Variants in C9orf153 observed in about 807,000 individuals in gnomAD.
The protein encoded by C9orf153 is uncharacterized protein C9orf153.
A neutral mutation model predicts 9.0 loss-of-function variants in C9orf153; 10 were observed. The ratio of observed to expected loss-of-function variants is 1.11; its 90% CI spans 0.69 to 1.89. The LOEUF (loss-of-function observed/expected upper bound fraction) is 1.89. Among genes scored for constraint, C9orf153 ranks in the 40% most tolerant of loss-of-function variants. The pLI is 0.00. For missense variants in C9orf153, 108 were observed against 111.0 expected, an observed-to-expected ratio of 0.97 and a Z score of 0.12; for synonymous variants, 35 against 37.3, an observed-to-expected ratio of 0.94 and a Z score of 0.23.
At position 86,227,877 on chromosome 9, in the gene C9orf153, C is replaced by T; in HGVS notation, c.220G>A (p.Gly74Arg). ...MSFTRGADVR[G>R]DLQPVIRKTI... ...CACCTGATAACAGGTTGGAGATCTC[C>T]TCTCACATCAGCGCCCCTGGTGAAT... The change falls in exon 3 of 4, where the codon GGA becomes AGA. Residue 74 changes from glycine to arginine, a missense_variant. Gly to Arg is a moderately radical substitution (Grantham distance 125). Coordinates refer to ENST00000339137, the MANE Select transcript of C9orf153 (RefSeq NM_001276366.4). 1 of 1,612,540 alleles carries T rather than the reference C, an allele frequency of 6.2e-7. No homozygotes were observed. The highest frequency in any genetic ancestry group is 8.5e-7 in the Non-Finnish European group (1 of 1,179,446).
chr9:86,222,034 C>T (rs1033642896), intron 3 of C9orf153, among the ~76,000 whole-genome samples: 2 of 152,040 alleles, frequency 1.3e-5, no homozygotes, highest in African/African-American at 4.8e-5. Flanking sequence ...GACAGGCACC[C>T]GCCACCACAC....
chr9:86,241,828 G>A (rs1462561873), intron 1 of C9orf153, among the ~76,000 whole-genome samples: 1 of 152,118 alleles, frequency 6.6e-6, no homozygotes, highest in East Asian at 1.9e-4. Flanking sequence ...ACTTCACCAT[G>A]TTGGTCAGGC....
chr9:86,222,232 T>G (rs1053658943), intron 3 of C9orf153, among the ~76,000 whole-genome samples: 3 of 152,246 alleles, frequency 2.0e-5, no homozygotes, highest in Admixed American at 2.0e-4. Flanking sequence ...GTCAATTTCA[T>G]GTAAAGCCTG....
rs922675812 is a variant in C9orf153, at chr9:86,248,857, T to C, written c.-27+10693A>G. Among the ~76,000 whole-genome samples, 4 of 152,240 alleles carry C rather than the reference T, an allele frequency of 2.6e-5. No homozygotes were observed. The East Asian group carries it at 7.7e-4, about 29-fold the overall frequency. On this transcript the variant is annotated intron_variant, in intron 1 of 3. Coordinates refer to ENST00000339137, the MANE Select transcript of C9orf153 (RefSeq NM_001276366.4). ...AGCCCACCTTCCCCATCACCCCAGT[T>C]CCAGTGGCTCCTCGTGTTGCCTGTA...
chr9:86,244,284 A>G (rs6559919), intron 1 of C9orf153, among the ~76,000 whole-genome samples: 112,151 of 152,126 alleles, frequency 0.74, 42,709 homozygotes, highest in East Asian at 0.98. Flanking sequence ...TATGTTGCCC[A>G]GCTGGTCTCC....
intron 1 of C9orf153, among the ~76,000 whole-genome samples, chr9:86,255,038 C>T (rs997916791): frequency 8.5e-4 from 90 of 106,462 alleles, no homozygotes; most frequent in African/African-American, 4.1e-3. Flanking sequence ...GCACTCCAGC[C>T]TGAAAGACAG....
intron 1 of C9orf153, among the ~76,000 whole-genome samples, chr9:86,242,084 A>G (rs1024140294): frequency 2.0e-5 from 3 of 152,144 alleles, no homozygotes; most frequent in African/African-American, 7.2e-5. Flanking sequence ...TGCAACTTTA[A>G]ATAGGGTGGT....
intron 1 of C9orf153, among the ~76,000 whole-genome samples, chr9:86,231,506 A>G (rs1179791890): frequency 6.6e-6 from 1 of 152,054 alleles, no homozygotes; most frequent in Non-Finnish European, 1.5e-5. Flanking sequence ...AGTGAAAACA[A>G]TTATGTTTCT....
chr9:86,240,334 C>T (rs1446748800), intron 1 of C9orf153, among the ~76,000 whole-genome samples: 2 of 151,456 alleles, frequency 1.3e-5, no homozygotes, highest in Admixed American at 6.6e-5. Context: ...ATGATCTTGC[C>T]GCACATGCAT....
At chr9:86,227,749 C>A in intron 3 of C9orf153, 106 bp downstream of exon 3, 1 of 1,464,838 alleles carries the variant, frequency 6.8e-7, no homozygotes, top group Non-Finnish European at 9.0e-7. Flanking sequence ...ACAGCCTCTG[C>A]TGGGACCTGG....
In C9orf153 at chr9:86,234,655, A is replaced by G. The variant is rs551973672; in HGVS notation, c.-26-5026T>C. On this transcript the variant is annotated intron_variant, in intron 1 of 3. Coordinates refer to ENST00000339137, the MANE Select transcript of C9orf153 (RefSeq NM_001276366.4). The stretch of plus-strand genomic sequence containing the variant: ...AATTTTTGTGACCCTGGCTTAGACA[A>G]TGGTTTCTTGCGTATAACACGAAAA... 3.3e-4 allele frequency among the ~76,000 whole-genome samples: 50 copies of G among 152,336 alleles called. No homozygotes were observed. The South Asian group carries it at 0.01, about 32-fold the overall frequency.
At chr9:86,223,982 T>C (rs1006463316) in intron 3 of C9orf153, among the ~76,000 whole-genome samples, 2 of 152,140 alleles carry the variant, frequency 1.3e-5, no homozygotes, top group Non-Finnish European at 2.9e-5. Context: ...AAGCCCTGCA[T>C]AGTGGCATGC....
Position 86,249,990 on chromosome 9 carries a change from T to C in C9orf153, c.-27+9560A>G, listed in dbSNP as rs368397435. 5.9e-5 allele frequency among the ~76,000 whole-genome samples: 9 copies of C among 152,300 alleles called. No individual in the cohort carries two copies. In the South Asian group the frequency reaches 1.7e-3, roughly 28 times the overall value. ...CTACCACTCAATGGGGTATAGATGGTTATACGTTCGTCTTCTTGGGGGCAA... is the reference window on the plus strand; with the variant it reads ...CTACCACTCAATGGGGTATAGATGGCTATACGTTCGTCTTCTTGGGGGCAA... On this transcript the variant is annotated intron_variant, in intron 1 of 3. Coordinates refer to ENST00000339137, the MANE Select transcript of C9orf153 (RefSeq NM_001276366.4).
At chr9:86,235,929 T>TA (rs1824576675) in intron 1 of C9orf153, among the ~76,000 whole-genome samples, 1 of 151,906 alleles carries the variant, frequency 6.6e-6, no homozygotes, top group African/African-American at 2.4e-5. Flanking sequence ...TTCCCCAAAT[T>TA]AATGTTGTAC....
chr9:86,257,270 G>A lies in C9orf153; in HGVS notation c.-27+2280C>T, dbSNP rs142613256. Among the ~76,000 whole-genome samples, 22 of 152,276 alleles carry A rather than the reference G, an allele frequency of 1.4e-4. 1 individual carries two copies. The East Asian group carries it at 4.1e-3, about 28-fold the overall frequency. On this transcript the variant is annotated intron_variant, in intron 1 of 3. Coordinates refer to ENST00000339137, the MANE Select transcript of C9orf153 (RefSeq NM_001276366.4). ...TTTCTTCTGAAACCCCAAAGCACCT[G>A]TGGCTCACTGCAGCGATTACTGGGT... is the stretch of plus-strand genomic sequence containing the variant.
At position 86,227,877 on chromosome 9, in the gene C9orf153, C is replaced by G. The variant is rs908807643; in HGVS notation, c.220G>C (p.Gly74Arg). The G allele has an allele frequency of 1.9e-6, 3 of 1,612,422 alleles. No individual in the cohort carries two copies. The highest frequency in any genetic ancestry group is 2.5e-6 in the Non-Finnish European group (3 of 1,179,454). ...CACCTGATAACAGGTTGGAGATCTC[C>G]TCTCACATCAGCGCCCCTGGTGAAT... ...MSFTRGADVR[G>R]DLQPVIRKTI... The change falls in exon 3 of 4, where the codon GGA becomes CGA. Residue 74 changes from glycine to arginine, a missense_variant. By Grantham distance (125) the Gly-to-Arg change is moderately radical. Coordinates refer to ENST00000339137, the MANE Select transcript of C9orf153 (RefSeq NM_001276366.4).
chr9:86,225,739 C>A (rs1035186736), intron 3 of C9orf153, among the ~76,000 whole-genome samples: 1 of 152,172 alleles, frequency 6.6e-6, no homozygotes, highest in Admixed American at 6.5e-5. Context: ...CCCGCCTTGG[C>A]CTGCCAAAGT....
In C9orf153 at chr9:86,221,701, A is replaced by G; in HGVS notation, c.275T>C (p.Met92Thr). 1 of 1,549,652 alleles carries G rather than the reference A, an allele frequency of 6.5e-7. No individual in the cohort carries two copies. The highest frequency in any genetic ancestry group is 8.7e-7 in the Non-Finnish European group (1 of 1,146,220). The change falls in exon 4 of 4, where the codon ATG becomes ACG. Residue 92 changes from methionine to threonine, a missense_variant. Physicochemically the swap from Met to Thr is moderately conservative, Grantham distance 81. Coordinates refer to ENST00000339137, the MANE Select transcript of C9orf153 (RefSeq NM_001276366.4). The stretch of plus-strand genomic sequence containing the variant: ...TTCGCAAGCCCCTTAAAATATCTCC[A>G]TTCCAGATCCCTTAGATTCATGAAT... ...KTIHESKGSG[M>T]EIF
intron 3 of C9orf153, among the ~76,000 whole-genome samples, chr9:86,227,018 G>A (rs796578896): frequency 7.2e-5 from 11 of 152,204 alleles, no homozygotes; most frequent in Admixed American, 3.3e-4. Flanking sequence ...TGCCCGCCTC[G>A]GTCTCCCAAA....
Sources: allele counts gnomAD v4.1 joint callset (sites outside exome capture counted in the v4.1 genomes callset), GRCh38; gene constraint gnomAD v4.1.1; transcripts MANE v1.5; gene names NCBI Gene and HGNC (gene_info 2026-07-23, HGNC 2026-07-21).